AOC2: variants seen among roughly 807,000 people sequenced by gnomAD.
AOC2 encodes the protein amine oxidase [copper-containing] 2.
A neutral mutation model predicts 53.8 loss-of-function variants in AOC2; 57 were observed. The ratio of observed to expected loss-of-function variants is 1.06; its 90% CI spans 0.86 to 1.32. The LOEUF (loss-of-function observed/expected upper bound fraction) is 1.32. Ranked by LOEUF, AOC2 falls within the 40% of genes most tolerant of loss-of-function variation. The pLI is 0.00. For synonymous variants in AOC2, 404 were observed against 399.0 expected (o/e 1.01, Z -0.15); for missense variants, 1,008 against 957.2 (o/e 1.05, Z -0.70).
At position 42,849,651 on chromosome 17, in the gene AOC2, G is replaced by A. The variant is rs1175864453; in HGVS notation, c.1925G>A (p.Ser642Asn). Residue 642 changes from serine (S) to asparagine (N), a missense_variant, in exon 3 of 4, where the codon AGC (serine) becomes AAC (asparagine). Transcript: ENST00000253799. ...AAGGAGGAGGAGTCACAGAGCAGTAGCATCTATCACCAGAATGACATCTGG... is the reference window on the plus strand; with the variant it reads ...AAGGAGGAGGAGTCACAGAGCAGTAACATCTATCACCAGAATGACATCTGG... ...QRKEEESQSS[S>N]IYHQNDIWTP... 3.7e-6 allele frequency: 6 copies of A among 1,614,090 alleles called. No homozygotes were observed. Among genetic ancestry groups the A allele is most frequent in the Non-Finnish European group, 5.1e-6 (6 of 1,180,050 alleles).
rs142042748 is a variant in AOC2 at position 42,844,625 on chromosome 17, C to A, written c.-2C>A. ...TTCTGATTTCAGCTCTCAGCATCCACCATGCATCTCAAGATAGTCCTGGCG... is the reference window on the plus strand; with the variant it reads ...TTCTGATTTCAGCTCTCAGCATCCAACATGCATCTCAAGATAGTCCTGGCG... On this transcript the variant is annotated 5_prime_UTR_variant, in exon 1 of 4. Coordinates refer to ENST00000253799, the MANE Select transcript of AOC2 (RefSeq NM_009590.4). The A allele has an allele frequency of 3.2e-3, 5,171 of 1,602,638 alleles. 17 individuals are homozygous for A. The highest frequency in any genetic ancestry group is 7.1e-3 in the Admixed American group (421 of 59,652).
intron 1 of AOC2, among the ~76,000 whole-genome samples, chr17:42,847,675 G>A (rs1033273178): frequency 2.6e-5 from 4 of 152,110 alleles, no homozygotes; most frequent in Non-Finnish European, 5.9e-5. Flanking sequence ...CTGGAGTGCA[G>A]CGGTGCAATC....
intron 3 of AOC2, 99 bp from the exon 4 acceptor site, chr17:42,849,983 A>G: frequency 5.4e-6 from 8 of 1,493,866 alleles, no homozygotes; most frequent in South Asian, 1.3e-5. Flanking sequence ...GGCTGGGGAG[A>G]GTGGAAGCCA....
Position 42,849,263 on chromosome 17 carries a change from A to G in AOC2, c.1766A>G (p.Gln589Arg). Residue 589 changes from glutamine (Q) to arginine (R), a missense_variant, in exon 2 of 4, where the codon CAG (glutamine) becomes CGG (arginine). Coordinates refer to ENST00000253799, the MANE Select transcript of AOC2 (RefSeq NM_009590.4). ...LPRYLYLASNQTNAWGHQRGY... is the reference protein window; with the variant it reads ...LPRYLYLASNRTNAWGHQRGY... ...CGCTACCTCTACCTGGCTAGCAACC[A>G]GACTAATGCGTGGGGTCACCAGCGC... The G allele has an allele frequency of 6.2e-7, 1 of 1,614,178 alleles. No individual in the cohort carries two copies. Among genetic ancestry groups the G allele is most frequent in the Non-Finnish European group, 8.5e-7 (1 of 1,180,030 alleles).
intron 3 of AOC2, 140 bp from the exon 4 acceptor site, chr17:42,849,942 A>G (rs2055636781): frequency 4.6e-6 from 6 of 1,312,420 alleles, no homozygotes; most frequent in Non-Finnish European, 6.3e-6. Flanking sequence ...AGCTGCTTAC[A>G]TGGATTGCTC....
intron 3 of AOC2, 73 bp downstream of exon 3, chr17:42,849,803 A>G: frequency 6.3e-7 from 1 of 1,595,326 alleles, no homozygotes; most frequent in Non-Finnish European, 8.6e-7. Context: ...CTCTGGCCAA[A>G]GGTTAGAGGG....
chr17:42,847,945 A>G (rs2055611619), intron 1 of AOC2, among the ~76,000 whole-genome samples: 1 of 150,496 alleles, frequency 6.6e-6, no homozygotes, highest in African/African-American at 2.5e-5. Context: ...TTTTTAAATT[A>G]TTTATTTATT....
In AOC2 at chr17:42,849,858, C is replaced by G. The variant is rs977138287; in HGVS notation, c.2004+128C>G. On this transcript the variant is annotated intron_variant, in intron 3 of 3. Transcript: ENST00000253799. ...GCAGATTCAGAGGCCATGGAGTTTT[C>G]TGATGACCAACACAGGTCATCCCTC... 3 of 1,414,968 alleles carry G rather than the reference C, an allele frequency of 2.1e-6. No homozygotes were observed. In the African/African-American group the frequency reaches 4.2e-5, roughly 20 times the overall value. 87.7% of individuals were successfully genotyped at this position (1,414,968 alleles called of 1,614,324 possible).
rs536168385 is a variant in AOC2, at chr17:42,850,322, C to A, written c.2245C>A (p.Pro749Thr). Residue 749 changes from proline to threonine, a missense_variant, in exon 4 of 4, where the codon CCC (proline) becomes ACC (threonine). By Grantham distance (38) the Pro-to-Thr change is conservative. Transcript: ENST00000253799. ...PDLAACVPDL[P>T]PFSYHGF ...CCTGGCAGCCTGTGTCCCGGACTTA[C>A]CCCCTTTCTCTTACCACGGCTTCTA... is the stretch of plus-strand genomic sequence containing the variant. 1,956 of 1,603,154 alleles carry A rather than the reference C, an allele frequency of 1.2e-3. 41 individuals carry two copies. In the South Asian group the frequency reaches 0.02, roughly 17 times the overall value.
At position 42,846,323 on chromosome 17, in the gene AOC2, G is replaced by A. The variant is rs1036595324; in HGVS notation, c.1588+109G>A. The A allele has an allele frequency of 2.3e-5, 30 of 1,298,438 alleles. No homozygotes were observed. The African/African-American group carries it at 4.0e-4, about 17-fold the overall frequency. 80.4% of individuals were successfully genotyped at this position (1,298,438 alleles called of 1,614,324 possible). On this transcript the variant is annotated intron_variant, in intron 1 of 3. Transcript: ENST00000253799. ...GCTGAAATAACAAGTGGCAAGAGCA[G>A]GGTGTTCCAACACCACAGCTCTAGT...
In AOC2 at chr17:42,845,292, C is replaced by T. The variant is rs1224275877; in HGVS notation, c.666C>T (p.Ala222=). The T allele has an allele frequency of 1.9e-6, 3 of 1,614,118 alleles. No individual in the cohort carries two copies. The highest frequency in any genetic ancestry group is 2.5e-6 in the Non-Finnish European group (3 of 1,180,026). ...CAGGGGACCGAGCTACCTGGATGGC[C>T]CTCTACCATAACATCTCAGGGGTTG... ...LRSGDRATWM[A]LYHNISGVGL... Residue 222 remains alanine (A), a synonymous_variant, in exon 1 of 4, where the codon GCC becomes GCT. Coordinates refer to ENST00000253799, the MANE Select transcript of AOC2 (RefSeq NM_009590.4).
rs1567687359 is a variant in AOC2, at chr17:42,849,880, C to T, written c.2004+150C>T. On this transcript the variant is annotated intron_variant, in intron 3 of 3. Coordinates refer to ENST00000253799, the MANE Select transcript of AOC2 (RefSeq NM_009590.4). ...TTTCTGATGACCAACACAGGTCATC[C>T]CTCCTGGGGTGAGATTAGCTCTGGG... 10 of 1,285,684 alleles carry T rather than the reference C, an allele frequency of 7.8e-6. No individual in the cohort carries two copies. In the Admixed American group the frequency reaches 1.6e-4, roughly 21 times the overall value. The allele number at this position is 1,285,684 out of a possible 1,614,324, so 79.6% of individuals were successfully genotyped here.
chr17:42,845,128 C>T lies in AOC2; in HGVS notation c.502C>T (p.Leu168=). 4.3e-6 allele frequency: 7 copies of T among 1,613,820 alleles called. No homozygotes were observed. The highest frequency in any genetic ancestry group is 5.9e-6 in the Non-Finnish European group (7 of 1,180,042). ...CCTGCCCTATCACCGTCGCCCGGTGCTGAGAGCTGAGTTTACACAGATGTG... is the reference window on the plus strand; with the variant it reads ...CCTGCCCTATCACCGTCGCCCGGTGTTGAGAGCTGAGTTTACACAGATGTG... The part of the protein sequence containing the change: ...GPLPYHRRPV[L]RAEFTQMWRH... The change falls in exon 1 of 4, where the codon CTG becomes TTG. Residue 168 remains leucine (L), a synonymous_variant. Transcript: ENST00000253799.
At chr17:42,847,512 G>A (rs2055608093) in intron 1 of AOC2, among the ~76,000 whole-genome samples, 1 of 152,218 alleles carries the variant, frequency 6.6e-6, no homozygotes, top group African/African-American at 2.4e-5. Context: ...CCCAGACAAA[G>A]GTATGAATGT....
chr17:42,850,435 C>A lies in AOC2; in HGVS notation c.*87C>A. On this transcript the variant is annotated 3_prime_UTR_variant, in exon 4 of 4. Transcript: ENST00000253799. ...ATTCTCCGTGTTTTTATCACACCTG[C>A]TCCCCAGATTCCCACCCCCTCAATG... 2 of 1,461,434 alleles carry A rather than the reference C, an allele frequency of 1.4e-6. No homozygotes were observed. The highest frequency in any genetic ancestry group is 4.7e-5 in the East Asian group (2 of 43,008). 90.5% of individuals were successfully genotyped at this position (1,461,434 alleles called of 1,614,324 possible).
chr17:42,846,989 A>C (rs2055604674), intron 1 of AOC2, among the ~76,000 whole-genome samples: 1 of 152,212 alleles, frequency 6.6e-6, no homozygotes, highest in East Asian at 1.9e-4. Context: ...ACAGGAAATG[A>C]CTGCCCAAGT....
intron 1 of AOC2, among the ~76,000 whole-genome samples, chr17:42,846,594 T>C (rs1369281034): frequency 6.6e-6 from 1 of 151,670 alleles, no homozygotes; most frequent in African/African-American, 2.4e-5. Context: ...TGAGGGTCAG[T>C]AGGGGTGGGG....
At position 42,845,116 on chromosome 17, in the gene AOC2, C is replaced by G. The variant is rs939933467; in HGVS notation, c.490C>G (p.Arg164Gly). 6.2e-7 allele frequency: 1 copy of G among 1,613,680 alleles called. No homozygotes were observed. Among genetic ancestry groups the G allele is most frequent in the East Asian group, 2.2e-5 (1 of 44,888 alleles). Reference protein sequence around the residue: ...ERHGGPLPYHRRPVLRAEFTQ... With the variant: ...ERHGGPLPYHGRPVLRAEFTQ... ...TCACGGCGGGCCCCTGCCCTATCACCGTCGCCCGGTGCTGAGAGCTGAGTT... is the reference window on the plus strand; with the variant it reads ...TCACGGCGGGCCCCTGCCCTATCACGGTCGCCCGGTGCTGAGAGCTGAGTT... Residue 164 changes from arginine to glycine, a missense_variant, in exon 1 of 4, where the codon CGT becomes GGT. Physicochemically the swap from Arg to Gly is moderately radical, Grantham distance 125 (BLOSUM62 -2). Transcript: ENST00000253799.
chr17:42,846,798 A>G (rs918964339), intron 1 of AOC2, among the ~76,000 whole-genome samples: 2 of 152,200 alleles, frequency 1.3e-5, no homozygotes, highest in African/African-American at 2.4e-5. Context: ...TGCTGCAAGT[A>G]TGGAAAGAGA....
Sources: allele counts gnomAD v4.1 joint callset (sites outside exome capture counted in the v4.1 genomes callset), GRCh38; gene constraint gnomAD v4.1.1; transcripts MANE v1.5; gene names NCBI Gene and HGNC (gene_info 2026-07-23, HGNC 2026-07-21).